The following TRAPPC9 variants were observed in gnomAD, a reference collection of about 807,000 sequenced individuals.
TRAPPC9 encodes IKK2 binding protein.
TRAPPC9 carries 83 observed loss-of-function variants against 124.0 expected under a neutral mutation model. The ratio of observed to expected loss-of-function variants is 0.67; its 90% CI spans 0.56 to 0.80. TRAPPC9 has a LOEUF of 0.80. Ranked by LOEUF, TRAPPC9 falls within the 30% of genes least tolerant of loss-of-function variation. The pLI is 0.00. For missense variants in TRAPPC9, 1,302 were observed against 1,508.3 expected (o/e 0.86, Z 2.27); for synonymous variants, 638 against 617.5 (o/e 1.03, Z -0.49).
intron 5 of TRAPPC9, among the ~76,000 whole-genome samples, chr8:140,410,273 T>C (rs1265850851): frequency 1.3e-5 from 2 of 152,072 alleles, no homozygotes; most frequent in Non-Finnish European, 2.9e-5. Flanking sequence ...CAATGGCTCA[T>C]GCCTGTAAGC....
At chr8:140,071,763 T>C (rs1843169928) in intron 17 of TRAPPC9, among the ~76,000 whole-genome samples, 1 of 152,208 alleles carries the variant, frequency 6.6e-6, no homozygotes, top group Non-Finnish European at 1.5e-5. Context: ...TACCACGCTC[T>C]GGCTCATAAA....
At chr8:139,911,182 AGT>A (rs1831708907) in intron 19 of TRAPPC9, 1 of 152,146 alleles carries the variant, frequency 6.6e-6, no homozygotes, top group Non-Finnish European at 1.5e-5. Flanking sequence ...GTAGTGAATA[AGT>A]CACACAAGAT....
chr8:140,211,286 T>C (rs2063055975), intron 17 of TRAPPC9, among the ~76,000 whole-genome samples: 1 of 152,200 alleles, frequency 6.6e-6, no homozygotes, highest in Non-Finnish European at 1.5e-5. Flanking sequence ...AGGCCAGGCA[T>C]GGTGGCATAT....
At chr8:140,349,569 T>TA (rs1326497387) in intron 9 of TRAPPC9, among the ~76,000 whole-genome samples, 2 of 152,048 alleles carry the variant, frequency 1.3e-5, no homozygotes, top group Non-Finnish European at 2.9e-5. Flanking sequence ...CACATCGTGG[T>TA]AACTACGGCA....
intron 8 of TRAPPC9, among the ~76,000 whole-genome samples, chr8:140,370,197 T>C (rs1020638335): frequency 2.6e-4 from 40 of 151,992 alleles, no homozygotes; most frequent in African/African-American, 9.2e-4. Flanking sequence ...TGGAGTGCAG[T>C]AGCACGATCC....
chr8:140,356,768 C>T (rs1406389504), intron 9 of TRAPPC9, among the ~76,000 whole-genome samples: 2 of 152,102 alleles, frequency 1.3e-5, no homozygotes, highest in East Asian at 3.9e-4. Flanking sequence ...CACCACCTCG[C>T]CCGGTTAATC....
At chr8:140,445,860 C>T (rs184974457) in intron 2 of TRAPPC9, among the ~76,000 whole-genome samples, 350 of 152,326 alleles carry the variant, frequency 2.3e-3, no homozygotes, top group Middle Eastern at 6.8e-3. Flanking sequence ...AGAGCGAGAA[C>T]CTTTCCCTGA....
rs533699650 is a variant in TRAPPC9 at position 140,422,611 on chromosome 8, G to A, written c.886+4004C>T. Among the ~76,000 whole-genome samples, 581 of 151,886 alleles carry A rather than the reference G, an allele frequency of 3.8e-3. 3 individuals carry two copies. Among genetic ancestry groups the A allele is most frequent in the Admixed American group, 6.2e-3 (95 of 15,228 alleles). On this transcript the variant is annotated intron_variant, in intron 5 of 22. Transcript: ENST00000438773. ...TCTACTAAAAATACAAAAATTAGCC[G>A]GGCGTGGTGGCATGTGTCTATAATC...
At chr8:140,199,189 G>A (rs1181980015) in intron 17 of TRAPPC9, among the ~76,000 whole-genome samples, 1 of 152,150 alleles carries the variant, frequency 6.6e-6, no homozygotes, top group African/African-American at 2.4e-5. Context: ...TCACCTGGGG[G>A]TCTGTGGAAT....
chr8:139,829,060 G>A (rs536756873), intron 21 of TRAPPC9, among the ~76,000 whole-genome samples: 9 of 152,204 alleles, frequency 5.9e-5, no homozygotes, highest in East Asian at 1.9e-4. Flanking sequence ...AAAAATGCCC[G>A]CAGATCAACA....
At chr8:139,869,142 T>G (rs1828733622) in intron 21 of TRAPPC9, among the ~76,000 whole-genome samples, 1 of 152,200 alleles carries the variant, frequency 6.6e-6, no homozygotes, top group Admixed American at 6.5e-5. Context: ...AACTCACTTA[T>G]GAATTAAAAA....
chr8:139,985,459 T>A (rs1837183911), intron 19 of TRAPPC9, among the ~76,000 whole-genome samples: 1 of 152,058 alleles, frequency 6.6e-6, no homozygotes, highest in East Asian at 1.9e-4. Context: ...GCATCGATGC[T>A]CCCTGAAGGC....
chr8:140,254,052 G>A (rs538613157), intron 15 of TRAPPC9, among the ~76,000 whole-genome samples: 1 of 152,300 alleles, frequency 6.6e-6, no homozygotes, highest in South Asian at 2.1e-4. Flanking sequence ...GGAGGCCACT[G>A]CTGGTGCCCG....
At position 139,890,067 on chromosome 8, in the gene TRAPPC9, G is replaced by A. The variant is rs371540098; in HGVS notation, c.2965-4098C>T. ...CCGCCGCCCCGGGCCTGTTTTGAGC[G>A]CCAGCAGCAGCGAGGCACCCCTCAA... On this transcript the variant is annotated intron_variant, in intron 20 of 22. Transcript: ENST00000438773. Among the ~76,000 whole-genome samples, 294 of 152,338 alleles carry A rather than the reference G, an allele frequency of 1.9e-3. 1 individual carries two copies. Among genetic ancestry groups the A allele is most frequent in the African/African-American group, 3.4e-3 (140 of 41,582 alleles).
At position 139,776,102 on chromosome 8, in the gene TRAPPC9, C is replaced by G. The variant is rs1354754990; in HGVS notation, c.3056-43900G>C. Reference sequence around the variant, plus strand: ...GCCACCAACCCTGACCAACCTCCTTCCTGAGGACAAGAGGACGAGGCTGGA... The same window carrying G: ...GCCACCAACCCTGACCAACCTCCTTGCTGAGGACAAGAGGACGAGGCTGGA... On this transcript the variant is annotated intron_variant, in intron 21 of 22. Transcript: ENST00000438773. This position sits in a 1 kb window ranked among gnomAD's most constrained non-coding sequence, Gnocchi z 4.1. Among the ~76,000 whole-genome samples the G allele has an allele frequency of 2.0e-5, 3 of 152,220 alleles. No homozygotes were observed. The highest frequency in any genetic ancestry group is 7.2e-5 in the African/African-American group (3 of 41,450).
intron 10 of TRAPPC9, among the ~76,000 whole-genome samples, chr8:140,304,297 G>A (rs938611014): frequency 6.6e-6 from 1 of 152,100 alleles, no homozygotes; most frequent in Non-Finnish European, 1.5e-5. Flanking sequence ...GTTTCGCCAT[G>A]TTGGCCAGGC....
chr8:140,304,156 A>T (rs1011286081), intron 10 of TRAPPC9, among the ~76,000 whole-genome samples: 1 of 149,794 alleles, frequency 6.7e-6, no homozygotes, highest in African/African-American at 2.5e-5. Context: ...ATGCAGTGGC[A>T]TGATCTTGGC....
At chr8:140,414,440 GGAAGGATTGCTT>G (rs2069828593) in intron 5 of TRAPPC9, among the ~76,000 whole-genome samples, 1 of 152,080 alleles carries the variant, frequency 6.6e-6, no homozygotes, top group African/African-American at 2.4e-5. Context: ...AGGCTGAGAT[GGAAGGATTGCTT>G]GAGCCTGAGA....
At chr8:139,955,269 G>A (rs1563949467) in intron 19 of TRAPPC9, among the ~76,000 whole-genome samples, 2 of 152,040 alleles carry the variant, frequency 1.3e-5, no homozygotes, top group Admixed American at 1.3e-4. Context: ...TCCTGTAGGA[G>A]CCTCATGTAG....
Sources: allele counts gnomAD v4.1 joint callset (sites outside exome capture counted in the v4.1 genomes callset), GRCh38; gene constraint gnomAD v4.1.1; non-coding constraint Gnocchi (gnomAD v3.1); transcripts MANE v1.5; gene names NCBI Gene and HGNC (gene_info 2026-07-23, HGNC 2026-07-21).